Variants in AGMO observed in about 807,000 individuals in gnomAD.
AGMO encodes the protein glyceryl-ether monooxygenase.
Under a neutral mutation model 60.2 loss-of-function variants are expected in AGMO, and 75 were observed. That is an observed-to-expected ratio of 1.25 (90% confidence interval 1.03 to 1.51). The LOEUF (loss-of-function observed/expected upper bound fraction) is 1.51, where lower values mean the gene tolerates loss of function less well. AGMO is among the 40% of genes most tolerant of loss of function. The pLI is 0.00. For missense variants in AGMO, 763 were observed against 525.5 expected (o/e 1.45, Z -4.42); for synonymous variants, 261 against 177.1 (o/e 1.47, Z -3.76).
chr7:15,190,124 TA>T, the AGMO span, among the ~76,000 whole-genome samples: 4 of 1,480 alleles, frequency 2.7e-3, no homozygotes, highest in African/African-American at 4.8e-3. Context: ...TATATATATA[TA>T]TTTATATATA....
the AGMO span, among the ~76,000 whole-genome samples, chr7:15,136,298 T>C: frequency 4.0e-5 from 6 of 150,366 alleles, no homozygotes; most frequent in African/African-American, 1.5e-4. Context: ...TGGCCTAGTA[T>C]CATATCTTGA....
At chr7:15,496,934 C>A (rs1313035880) in intron 3 of AGMO, among the ~76,000 whole-genome samples, 1 of 150,786 alleles carries the variant, frequency 6.6e-6, no homozygotes, top group African/African-American at 2.4e-5. Context: ...CCTCAAATGC[C>A]CCATATACTT....
intron 12 of AGMO, among the ~76,000 whole-genome samples, chr7:15,329,433 G>C (rs932875958): frequency 5.3e-5 from 8 of 152,284 alleles, no homozygotes; most frequent in African/African-American, 1.4e-4. Flanking sequence ...CAAGCTCCCA[G>C]AGGACATGAC....
chr7:15,210,450 CACTTTCTGGATTTGTTATTTGGAA>C (rs1215587050), intron 12 of AGMO, among the ~76,000 whole-genome samples: 2 of 152,000 alleles, frequency 1.3e-5, no homozygotes, highest in Non-Finnish European at 1.5e-5. Flanking sequence ...AATATGTATT[CACTTTCTGGATTTGTTATTTGGAA>C]ACTGAAATTT....
At chr7:15,297,355 T>C (rs367689732) in intron 12 of AGMO, among the ~76,000 whole-genome samples, 16 of 152,186 alleles carry the variant, frequency 1.1e-4, no homozygotes, top group African/African-American at 3.9e-4. Flanking sequence ...CATTTTACTA[T>C]TGTAGTTATT....
rs1782930400 is a variant in AGMO, at chr7:15,365,379, G to GT, written c.1263+134dup. ...TGACACAACTAACAAGTACTGGTAA[G>GT]TAAAAAAAAAAAAAAAGATCAAGAT... is the stretch of plus-strand genomic sequence containing the variant. On this transcript the variant is annotated intron_variant, in intron 12 of 12. Transcript: ENST00000342526. 3 of 217,794 alleles carry GT rather than the reference G, an allele frequency of 1.4e-5. No homozygotes were observed. The African/African-American group carries it at 7.2e-4, about 52-fold the overall frequency. The allele number at this position is 217,794 out of a possible 1,614,324, so 13.5% of individuals were successfully genotyped here. A position where few individuals can be genotyped will look rare whatever the true frequency, so the allele number is the denominator to read the frequency against.
At chr7:15,161,693 ATG>A in the AGMO span, among the ~76,000 whole-genome samples, 6 of 151,062 alleles carry the variant, frequency 4.0e-5, no homozygotes, top group East Asian at 3.9e-4. Context: ...ATATGTATAT[ATG>A]TGTGTGTGTA....
At chr7:15,364,123 T>C (rs1562459831) in intron 12 of AGMO, among the ~76,000 whole-genome samples, 1 of 152,030 alleles carries the variant, frequency 6.6e-6, no homozygotes, top group African/African-American at 2.4e-5. Context: ...TAAATTCACA[T>C]TATATATATA....
the AGMO span, among the ~76,000 whole-genome samples, chr7:15,172,600 T>C: frequency 6.6e-6 from 1 of 152,212 alleles, no homozygotes; most frequent in Non-Finnish European, 1.5e-5. Context: ...GAGTACACTT[T>C]TTTTTTAATT....
chr7:15,423,674 A>ATGGTAT (rs1220144600), intron 4 of AGMO, among the ~76,000 whole-genome samples: 3 of 151,934 alleles, frequency 2.0e-5, no homozygotes, highest in African/African-American at 7.2e-5. Context: ...TTTTATATAC[A>ATGGTAT]GGGAAAATTT....
chr7:15,291,269 A>G (rs1313566928), intron 12 of AGMO, among the ~76,000 whole-genome samples: 1 of 152,232 alleles, frequency 6.6e-6, no homozygotes, highest in Non-Finnish European at 1.5e-5. Context: ...ATACATAACT[A>G]TAGAGATATA....
At chr7:15,133,673 A>G in the AGMO span, among the ~76,000 whole-genome samples, 29 of 152,310 alleles carry the variant, frequency 1.9e-4, no homozygotes, top group East Asian at 4.8e-3. Context: ...GGATGGTGAT[A>G]TATAGGAAAA....
intron 3 of AGMO, among the ~76,000 whole-genome samples, chr7:15,497,401 T>C (rs1583615794): frequency 6.6e-6 from 1 of 152,228 alleles, no homozygotes; most frequent in East Asian, 1.9e-4. Context: ...ACAGGAATTT[T>C]TTTAACATCA....
intron 12 of AGMO, among the ~76,000 whole-genome samples, chr7:15,293,018 C>T (rs1278361331): frequency 2.0e-5 from 3 of 152,014 alleles, no homozygotes; most frequent in African/African-American, 7.2e-5. Flanking sequence ...CCTACTTGGC[C>T]TCCCAAAGTG....
intron 3 of AGMO, among the ~76,000 whole-genome samples, chr7:15,528,777 T>A (rs1038110792): frequency 2.6e-4 from 39 of 152,228 alleles, no homozygotes; most frequent in African/African-American, 8.9e-4. Context: ...GACTCCCAAG[T>A]AGCTGGGATT....
At chr7:15,448,326 C>G (rs977321533) in intron 3 of AGMO, among the ~76,000 whole-genome samples, 2 of 152,182 alleles carry the variant, frequency 1.3e-5, no homozygotes, top group African/African-American at 2.4e-5. Flanking sequence ...AGATCCCGCA[C>G]CTCTTCTGCC....
intron 12 of AGMO, among the ~76,000 whole-genome samples, chr7:15,271,368 G>C (rs1254140411): frequency 6.6e-6 from 1 of 152,014 alleles, no homozygotes; most frequent in Non-Finnish European, 1.5e-5. Context: ...AGTTCTCCTT[G>C]TAAAGACCTT....
At chr7:15,165,181 G>C in the AGMO span, among the ~76,000 whole-genome samples, 1 of 151,976 alleles carries the variant, frequency 6.6e-6, no homozygotes, top group Non-Finnish European at 1.5e-5. Flanking sequence ...CTAAACAGTG[G>C]GTACACATGG....
intron 12 of AGMO, among the ~76,000 whole-genome samples, chr7:15,353,807 T>G (rs1047206522): frequency 1.3e-5 from 2 of 152,178 alleles, no homozygotes; most frequent in African/African-American, 4.8e-5. Flanking sequence ...GTGTTGGTAC[T>G]TTAAAAATAA....
Sources: gnomAD v4.1 joint callset for allele counts (sites outside exome capture counted in the v4.1 genomes callset) on GRCh38, gnomAD v4.1.1 for gene constraint, MANE v1.5 for transcripts, NCBI Gene and HGNC (gene_info 2026-07-23, HGNC 2026-07-21) for gene names.